Variants in EIF4G3 observed in about 807,000 individuals in gnomAD.
EIF4G3 encodes eukaryotic translation initiation factor 4 gamma 3, also known as eIF-4-gamma 3.
Under a neutral mutation model 186.4 loss-of-function variants are expected in EIF4G3, and 34 were observed. The ratio of observed to expected loss-of-function variants is 0.18; its 90% confidence interval spans 0.14 to 0.24. EIF4G3 has a LOEUF of 0.24. Among genes scored for constraint, EIF4G3 ranks in the 10% least tolerant of loss-of-function variants. The probability of loss-of-function intolerance (pLI) is 1.00; values close to 1 mark genes in which losing one functional copy is unlikely to be tolerated. For missense variants in EIF4G3, 1,536 were observed against 1,948.5 expected (o/e 0.79, Z 3.99); for synonymous variants, 673 against 679.5 (o/e 0.99, Z 0.15).
intron 14 of EIF4G3, among the ~76,000 whole-genome samples, chr1:20,925,439 A>G (rs971632719): frequency 3.9e-5 from 6 of 152,244 alleles, no homozygotes; most frequent in African/African-American, 1.4e-4. Context: ...AATGACAACT[A>G]TTAATAACGG....
chr1:21,020,846 T>C (rs901098601), intron 4 of EIF4G3, among the ~76,000 whole-genome samples: 1 of 152,214 alleles, frequency 6.6e-6, no homozygotes, highest in Non-Finnish European at 1.5e-5. Flanking sequence ...TTAAAATCAA[T>C]TATAGAAAGG....
chr1:21,097,156 G>A (rs1393891994), intron 2 of EIF4G3, among the ~76,000 whole-genome samples: 2 of 152,316 alleles, frequency 1.3e-5, no homozygotes, highest in East Asian at 1.9e-4. Flanking sequence ...TTACTATTCT[G>A]TACAAATAGT....
chr1:21,174,305 G>A (rs971135019), intron 2 of EIF4G3, among the ~76,000 whole-genome samples: 2 of 152,146 alleles, frequency 1.3e-5, no homozygotes, highest in African/African-American at 2.4e-5. Context: ...CCAACTCAGA[G>A]CTTTTATAAG....
chr1:20,827,066 GT>G, intron 32 of EIF4G3, among the ~76,000 whole-genome samples: 1 of 152,276 alleles, frequency 6.6e-6, no homozygotes, highest in East Asian at 1.9e-4. Context: ...TCAGGCGTAA[GT>G]AAGTCAGAAA....
At chr1:20,996,951 T>C (rs1406872595) in intron 7 of EIF4G3, among the ~76,000 whole-genome samples, 2 of 152,092 alleles carry the variant, frequency 1.3e-5, no homozygotes, top group Non-Finnish European at 2.9e-5. Context: ...TAGATTCCAA[T>C]AGGATAGAAG....
At chr1:21,063,719 TTG>T (rs2095065913) in intron 3 of EIF4G3, among the ~76,000 whole-genome samples, 4 of 958 alleles carry the variant, frequency 4.2e-3, no homozygotes, top group Admixed American at 0.017. Flanking sequence ...GGGGGGGGTG[TTG>T]GGGGGGGGGA....
intron 30 of EIF4G3, among the ~76,000 whole-genome samples, chr1:20,834,084 T>A (rs12080774): frequency 1.3e-5 from 2 of 152,176 alleles, no homozygotes; most frequent in Admixed American, 6.5e-5. Context: ...AGTCCTTATC[T>A]ATCAATAATT....
intron 30 of EIF4G3, among the ~76,000 whole-genome samples, chr1:20,837,050 T>C (rs1424119948): frequency 6.6e-6 from 1 of 152,222 alleles, no homozygotes; most frequent in African/African-American, 2.4e-5. Flanking sequence ...TAACATCTTG[T>C]AAGGAAAATT....
chr1:20,987,771 G>A (rs2079920735), intron 7 of EIF4G3, among the ~76,000 whole-genome samples: 1 of 152,106 alleles, frequency 6.6e-6, no homozygotes, highest in Non-Finnish European at 1.5e-5. Context: ...CCATTATATG[G>A]AAATTAATAA....
rs71014156 is a variant in EIF4G3 at position 21,117,736 on chromosome 1, T to TAAAAAA, written c.-271-28529_-271-28524dup. 7.3e-3 allele frequency among the ~76,000 whole-genome samples: 530 copies of TAAAAAA among 73,064 alleles called. 8 individuals are homozygous for TAAAAAA. The highest frequency in any genetic ancestry group is 0.022 in the African/African-American group (464 of 20,818). The allele number at this position is 73,064 out of a possible 152,430, so 47.9% of individuals were successfully genotyped here. Reference sequence around the variant, plus strand: ...GGCCTTTCACTGTCCCAGTATATAGTAAAAAAAAAAAAAAAAAAAAAAAAA... The same window carrying TAAAAAA: ...GGCCTTTCACTGTCCCAGTATATAGTAAAAAAAAAAAAAAAAAAAAAAAAAAAAAAA... On this transcript the variant is annotated intron_variant, in intron 2 of 36. Transcript: ENST00000602326.
chr1:21,046,288 T>A (rs1374457989), intron 4 of EIF4G3, among the ~76,000 whole-genome samples: 2 of 152,206 alleles, frequency 1.3e-5, no homozygotes, highest in African/African-American at 4.8e-5. Context: ...TTTGACTAAT[T>A]AAACAAAATC....
intron 2 of EIF4G3, among the ~76,000 whole-genome samples, chr1:21,159,553 A>G (rs915387358): frequency 6.6e-5 from 10 of 152,012 alleles, no homozygotes; most frequent in East Asian, 1.9e-4. Context: ...ACTGGCCAAC[A>G]TGGCGAAACC....
At chr1:20,947,157 C>T (rs893555689) in intron 13 of EIF4G3, among the ~76,000 whole-genome samples, 1 of 151,978 alleles carries the variant, frequency 6.6e-6, no homozygotes, top group African/African-American at 2.4e-5. Context: ...GACCAGCCTA[C>T]ACAACATGGC....
chr1:20,930,593 T>C (rs972926997), intron 14 of EIF4G3, among the ~76,000 whole-genome samples: 2 of 152,128 alleles, frequency 1.3e-5, no homozygotes, highest in African/African-American at 4.8e-5. Context: ...AGAGATGGGG[T>C]CTCACTATGT....
At chr1:21,041,359 A>T (rs2093572070) in intron 4 of EIF4G3, among the ~76,000 whole-genome samples, 1 of 152,174 alleles carries the variant, frequency 6.6e-6, no homozygotes, top group South Asian at 2.1e-4. Flanking sequence ...AAGTGCTAGG[A>T]TTACAGGTGT....
Position 20,881,184 on chromosome 1 carries a change from G to C in EIF4G3, c.2425-1664C>G, listed in dbSNP as rs574846412. On this transcript the variant is annotated intron_variant, in intron 19 of 36. Coordinates refer to ENST00000602326, the MANE Select transcript of EIF4G3 (RefSeq NM_001391906.1). ...AGAAATAGATGCACACATATACGATGAACTGATTTTCAACAAAGATGCCAA... is the reference window on the plus strand; with the variant it reads ...AGAAATAGATGCACACATATACGATCAACTGATTTTCAACAAAGATGCCAA... 7.2e-5 allele frequency among the ~76,000 whole-genome samples: 11 copies of C among 152,306 alleles called. No homozygotes were observed. In the South Asian group the frequency reaches 2.1e-3, roughly 29 times the overall value.
In EIF4G3 at chr1:20,849,447, T is replaced by C; in HGVS notation, c.3856A>G (p.Ile1286Val). Residue 1286 changes from isoleucine to valine, a missense_variant, in exon 29 of 37, where the codon ATT becomes GTT. Ile to Val is a conservative substitution (Grantham distance 29). This residue lies in a region of EIF4G3 where 395 missense variants were observed against 498.9 expected (regional missense o/e 0.79). Coordinates refer to ENST00000602326, the MANE Select transcript of EIF4G3 (RefSeq NM_001391906.1). Reference sequence around the variant, plus strand: ...TCATTAATGTGTAGAAATTCATCAATGATAGATTTCGACTTCCTCTCCAGT... The same window carrying C: ...TCATTAATGTGTAGAAATTCATCAACGATAGATTTCGACTTCCTCTCCAGT... ...EELERKSKSI[I>V]DEFLHINDFK... The C allele has an allele frequency of 1.9e-6, 3 of 1,557,876 alleles. No homozygotes were observed. Among genetic ancestry groups the C allele is most frequent in the Non-Finnish European group, 2.6e-6 (3 of 1,155,530 alleles).
At chr1:21,140,861 G>C (rs1469399192) in intron 2 of EIF4G3, among the ~76,000 whole-genome samples, 2 of 152,068 alleles carry the variant, frequency 1.3e-5, no homozygotes, top group African/African-American at 4.8e-5. Context: ...AATAAGACTT[G>C]TTACCAGTTA....
intron 12 of EIF4G3, among the ~76,000 whole-genome samples, chr1:20,963,929 C>T (rs1199989904): frequency 1.1e-5 from 1 of 90,712 alleles, no homozygotes; most frequent in Non-Finnish European, 2.5e-5. Flanking sequence ...GAGACTCCAT[C>T]TCAAAAAAAA....
Sources: allele counts gnomAD v4.1 joint callset (sites outside exome capture counted in the v4.1 genomes callset), GRCh38; gene constraint gnomAD v4.1.1; regional missense constraint gnomAD v4.1.1; transcripts MANE v1.5; gene names NCBI Gene and HGNC (gene_info 2026-07-23, HGNC 2026-07-21).